The following LEO1 variants were observed in gnomAD, a reference collection of about 807,000 sequenced individuals.
LEO1 encodes the protein RNA polymerase-associated protein LEO1.
Under a neutral mutation model 80.4 loss-of-function variants are expected in LEO1, and 34 were observed. That is an observed-to-expected ratio of 0.42 (90% CI 0.32 to 0.56). The LOEUF (loss-of-function observed/expected upper bound fraction) is 0.56, where lower values mean the gene tolerates loss of function less well. LEO1 is among the 20% of genes least tolerant of loss of function. The probability of loss-of-function intolerance (pLI) is 0.10; values close to 1 mark genes in which losing one functional copy is unlikely to be tolerated. For synonymous variants in LEO1, 262 were observed against 274.9 expected (o/e 0.95, Z 0.46); for missense variants, 631 against 814.2 (o/e 0.77, Z 2.74).
At chr15:51,945,390 C>T (rs2056891806) in intron 11 of LEO1, among the ~76,000 whole-genome samples, 2 of 151,960 alleles carry the variant, frequency 1.3e-5, no homozygotes, top group African/African-American at 2.4e-5. Context: ...TCACACATGC[C>T]AGGCAGGTTC....
intron 7 of LEO1, 126 bp from the exon 8 acceptor site, chr15:51,953,389 A>C: frequency 1.1e-6 from 1 of 876,774 alleles, no homozygotes; most frequent in South Asian, 1.8e-5. Flanking sequence ...TTGGGACACC[A>C]AGGCAGGTGG....
chr15:51,963,189 T>A (rs1247141157), intron 2 of LEO1, among the ~76,000 whole-genome samples: 1 of 152,008 alleles, frequency 6.6e-6, no homozygotes, highest in Admixed American at 6.6e-5. Context: ...GGCAAGAGAA[T>A]CATTTGAACC....
At chr15:51,952,817 C>T (rs1467384498) in intron 8 of LEO1, among the ~76,000 whole-genome samples, 1 of 152,176 alleles carries the variant, frequency 6.6e-6, no homozygotes, top group Non-Finnish European at 1.5e-5. Flanking sequence ...ACAAAGGACA[C>T]ACTGGCTAGC....
At chr15:51,940,099 CA>C (rs1259745473) in intron 11 of LEO1, among the ~76,000 whole-genome samples, 3 of 150,970 alleles carry the variant, frequency 2.0e-5, no homozygotes, top group South Asian at 2.1e-4. Flanking sequence ...ACTAAAAATA[CA>C]AAAAATTAGC....
At chr15:51,939,367 G>C (rs1415542184) in intron 11 of LEO1, among the ~76,000 whole-genome samples, 3 of 152,108 alleles carry the variant, frequency 2.0e-5, no homozygotes, top group Non-Finnish European at 2.9e-5. Context: ...TGACAGACAA[G>C]ATAGCATCTC....
chr15:51,948,696 A>G (rs1350738698), intron 10 of LEO1, among the ~76,000 whole-genome samples: 1 of 152,262 alleles, frequency 6.6e-6, no homozygotes, highest in African/African-American at 2.4e-5. Flanking sequence ...TGTTTTTGTC[A>G]CAATGAGGTA....
At chr15:51,963,545 G>C (rs2057048798) in intron 2 of LEO1, among the ~76,000 whole-genome samples, 1 of 152,072 alleles carries the variant, frequency 6.6e-6, no homozygotes, top group African/African-American at 2.4e-5. Context: ...CCTTGACTTG[G>C]TCTTCTAGTA....
chr15:51,948,857 C>T (rs1343869328), intron 10 of LEO1, among the ~76,000 whole-genome samples: 1 of 152,128 alleles, frequency 6.6e-6, no homozygotes, highest in African/African-American at 2.4e-5. Flanking sequence ...TGGGGGAACC[C>T]CTGGGTAAGA....
chr15:51,948,181 CCG>C (rs1397268636), intron 10 of LEO1, among the ~76,000 whole-genome samples: 2 of 152,146 alleles, frequency 1.3e-5, no homozygotes, highest in African/African-American at 2.4e-5. Context: ...GGAATAAGAG[CCG>C]AGGACTTTAG....
intron 11 of LEO1, among the ~76,000 whole-genome samples, chr15:51,940,192 T>G (rs1363462822): frequency 2.2e-5 from 3 of 138,158 alleles, no homozygotes; most frequent in Non-Finnish European, 4.6e-5. Flanking sequence ...GAGGTGGAGG[T>G]TGCAGTGGGC....
At chr15:51,944,744 T>C (rs912178855) in intron 11 of LEO1, among the ~76,000 whole-genome samples, 17 of 145,752 alleles carry the variant, frequency 1.2e-4, no homozygotes, top group Non-Finnish European at 1.8e-4. Flanking sequence ...CTTCATAATA[T>C]AAATATATAC....
At chr15:51,967,681 A>G (rs942913589) in intron 1 of LEO1, among the ~76,000 whole-genome samples, 2 of 152,240 alleles carry the variant, frequency 1.3e-5, no homozygotes, top group Non-Finnish European at 2.9e-5. Context: ...ACGCTCAATA[A>G]GAGTAACAGC....
chr15:51,968,395 G>A (rs1160278155), intron 1 of LEO1, among the ~76,000 whole-genome samples: 1 of 152,034 alleles, frequency 6.6e-6, no homozygotes, highest in African/African-American at 2.4e-5. Flanking sequence ...ACAAAAATTA[G>A]CTGGGCATGG....
chr15:51,966,637 G>A, intron 1 of LEO1, 133 bp from the exon 2 acceptor site: 1 of 598,684 alleles, frequency 1.7e-6, no homozygotes, highest in Non-Finnish European at 2.9e-6. Flanking sequence ...AAGGCCGGGT[G>A]CAGTGGCTCA....
At position 51,965,562 on chromosome 15, in the gene LEO1, TAAGA is replaced by T. The variant is rs202063298; in HGVS notation, c.814+183_814+186del. On this transcript the variant is annotated intron_variant, in intron 2 of 11. Coordinates refer to ENST00000299601, the MANE Select transcript of LEO1 (RefSeq NM_138792.4). The stretch of plus-strand genomic sequence containing the variant: ...CATTAACAAATGGAAGGGAAAGGAG[TAAGA>T]AAGAATAAGTGGATTAGAAAGATTT... Among the ~76,000 whole-genome samples, 41 of 152,052 alleles carry T rather than the reference TAAGA, an allele frequency of 2.7e-4. No individual in the cohort carries two copies. The East Asian group carries it at 7.1e-3, about 26-fold the overall frequency.
intron 11 of LEO1, among the ~76,000 whole-genome samples, chr15:51,945,997 G>A (rs993529165): frequency 7.3e-5 from 11 of 151,440 alleles, no homozygotes; most frequent in Non-Finnish European, 1.3e-4. Context: ...TCACGCCACT[G>A]CACTCCAGCC....
intron 1 of LEO1, among the ~76,000 whole-genome samples, chr15:51,967,039 T>C (rs2057083565): frequency 6.6e-6 from 1 of 152,164 alleles, no homozygotes; most frequent in Non-Finnish European, 1.5e-5. Context: ...TCAGTTCGAC[T>C]GTCCAATCTG....
At chr15:51,960,169 TC>T in intron 4 of LEO1, 125 bp from the exon 5 acceptor site, 1 of 688,758 alleles carries the variant, frequency 1.5e-6, no homozygotes, top group Non-Finnish European at 2.3e-6. Context: ...ACTAAAGAAG[TC>T]CCCAGTCCCC....
At chr15:51,942,256 A>G (rs2554320) in intron 11 of LEO1, among the ~76,000 whole-genome samples, 5,112 of 152,256 alleles carry the variant, frequency 0.034, 289 homozygotes, top group African/African-American at 0.12. Context: ...TCAGGGAAGG[A>G]AAGGGAAGAG....
Sources: allele counts gnomAD v4.1 joint callset (sites outside exome capture counted in the v4.1 genomes callset), GRCh38; gene constraint gnomAD v4.1.1; transcripts MANE v1.5; gene names NCBI Gene and HGNC (gene_info 2026-07-23, HGNC 2026-07-21).